The following COL20A1 variants were observed in gnomAD, a reference collection of about 807,000 sequenced individuals.
The protein encoded by COL20A1 is collagen type XX alpha 1 chain, also known as collagen alpha-1(XX) chain.
Under a neutral mutation model 152.9 loss-of-function variants are expected in COL20A1, and 164 were observed. The observed-to-expected ratio is 1.07, with a 90% CI of 0.94 to 1.22. The LOEUF (loss-of-function observed/expected upper bound fraction) is 1.22, where lower values mean the gene tolerates loss of function less well. COL20A1 is among the 50% of genes most tolerant of loss of function. The probability of loss-of-function intolerance (pLI) is 0.00; values close to 1 mark genes in which losing one functional copy is unlikely to be tolerated. For synonymous variants in COL20A1, 864 were observed against 756.0 expected, an observed-to-expected ratio of 1.14 and a Z score of -2.34; for missense variants, 1,873 against 1,744.8, an observed-to-expected ratio of 1.07 and a Z score of -1.31.
rs543977801 is a variant in COL20A1 at position 63,308,613 on chromosome 20, G to A, written c.847G>A (p.Val283Met). 39 of 1,606,574 alleles carry A rather than the reference G, an allele frequency of 2.4e-5. No homozygotes were observed. In the East Asian group the frequency reaches 2.9e-4, roughly 12 times the overall value. The change falls in exon 8 of 36, where the codon GTG becomes ATG. Residue 283 changes from valine (V) to methionine (M), a missense_variant. Transcript: ENST00000358894. ...TGGCCTCCGTCCAGAGGCAGCCAAG[G>A]TGGTGATTCTGGTGACGGACGGCAA... is the stretch of plus-strand genomic sequence containing the variant. Reference protein sequence around the residue: ...AAGLRPEAAKVVILVTDGKSQ... With the variant: ...AAGLRPEAAKMVILVTDGKSQ...
intron 1 of COL20A1, among the ~76,000 whole-genome samples, chr20:63,294,832 C>T (rs2067766092): frequency 6.6e-6 from 1 of 152,246 alleles, no homozygotes; most frequent in Non-Finnish European, 1.5e-5. Flanking sequence ...TCACTCAGAG[C>T]AGCCCCCGGT....
chr20:63,295,255 G>T, intron 2 of COL20A1, 66 bp downstream of exon 2: 2 of 1,081,432 alleles, frequency 1.8e-6, no homozygotes, highest in South Asian at 2.8e-5. Context: ...GTGCCCACGC[G>T]GGACGAGCCC....
intron 3 of COL20A1, among the ~76,000 whole-genome samples, chr20:63,298,372 C>T (rs1743462075): frequency 6.6e-6 from 1 of 152,154 alleles, no homozygotes; most frequent in South Asian, 2.1e-4. Context: ...CTCCCCGCAG[C>T]CTCAATCTCC....
At position 63,306,663 on chromosome 20, in the gene COL20A1, G is replaced by C. The variant is rs2123390103; in HGVS notation, c.496+624G>C. Among the ~76,000 whole-genome samples, 1 of 152,332 alleles carries C rather than the reference G, an allele frequency of 6.6e-6. No individual in the cohort carries two copies. Among genetic ancestry groups the C allele is most frequent in the African/African-American group, 2.4e-5 (1 of 41,580 alleles). ...GCCAGGTAAGGGGTGGGCACAGACG[G>C]GGGCAGTGCACTGTGTCTGCCCATA... On this transcript the variant is annotated intron_variant, in intron 5 of 35. Coordinates refer to ENST00000358894, the MANE Select transcript of COL20A1 (RefSeq NM_020882.4). The surrounding 1 kb of genome is among the most constrained non-coding windows in gnomAD (Gnocchi z 6.9).
rs2068011136 is a variant in COL20A1 at position 63,311,825 on chromosome 20, AC to A, written c.1663+79del. The A allele has an allele frequency of 1.3e-6, 2 of 1,521,512 alleles. No homozygotes were observed. The highest frequency in any genetic ancestry group is 8.8e-7 in the Non-Finnish European group (1 of 1,137,242). The allele number at this position is 1,521,512 out of a possible 1,614,324, so 94.3% of individuals were successfully genotyped here. ...TCCTCAGCCTTCCATGGCATGGGAG[AC>A]CTCAGGCCCCCTCGGTCCCAGCCAC... On this transcript the variant is annotated intron_variant, in intron 13 of 35. Coordinates refer to ENST00000358894, the MANE Select transcript of COL20A1 (RefSeq NM_020882.4). This position sits in a 1 kb window ranked among gnomAD's most constrained non-coding sequence, Gnocchi z 4.4.
Position 63,297,941 on chromosome 20 carries a change from T to C in COL20A1, c.114T>C (p.Pro38=), listed in dbSNP as rs1568762376. ...ASGLLRLAVL[P]EDRLQMKWRE... is the part of the protein sequence containing the mutation. ...GTCTCCTGAGGCTGGCTGTGCTGCC[T>C]GAGGACCGGCTGCAGATGAAGTGGA... is the stretch of plus-strand genomic sequence containing the variant. Residue 38 remains proline, a synonymous_variant, in exon 3 of 36, where the codon CCT becomes CCC. Transcript: ENST00000358894. 8 of 1,613,248 alleles carry C rather than the reference T, an allele frequency of 5.0e-6. No homozygotes were observed. The highest frequency in any genetic ancestry group is 6.8e-6 in the Non-Finnish European group (8 of 1,179,836).
chr20:63,323,292 G>A (rs2068193875), intron 27 of COL20A1, among the ~76,000 whole-genome samples: 1 of 152,224 alleles, frequency 6.6e-6, no homozygotes, highest in Non-Finnish European at 1.5e-5. Flanking sequence ...ACTGCGTTTG[G>A]CATTTTCTTG....
Position 63,327,476 on chromosome 20 carries a change from G to C in COL20A1, c.3529-476G>C, listed in dbSNP as rs186632428. On this transcript the variant is annotated intron_variant, in intron 31 of 35. Transcript: ENST00000358894. ...AGGGGGACAGACGTGGGAGATGGGG[G>C]TGTAGTGTCCCCTGGGGGATGCCTT... 2.1e-5 allele frequency: 4 copies of C among 192,212 alleles called. No homozygotes were observed. The East Asian group carries it at 4.0e-4, about 19-fold the overall frequency. 11.9% of individuals were successfully genotyped at this position (192,212 alleles called of 1,614,324 possible).
intron 9 of COL20A1, 24 bp from the exon 10 acceptor site, chr20:63,309,710 GCTGCCCGTGCAGTGACCACCTGCC>G (rs1391867281): frequency 6.7e-7 from 1 of 1,484,690 alleles, no homozygotes; most frequent in African/African-American, 1.4e-5. Context: ...CGTGGACACA[GCTGCCCGTGCAGTGACCACCTGCC>G]CCCCACTCCC....
intron 27 of COL20A1, 45 bp downstream of exon 27, chr20:63,322,156 C>G: frequency 7.1e-6 from 10 of 1,413,504 alleles, no homozygotes; most frequent in Non-Finnish European, 9.4e-6. Flanking sequence ...TGGATCGTAC[C>G]TACCAGAAGA....
chr20:63,307,020 C>A (rs975075139), intron 5 of COL20A1, among the ~76,000 whole-genome samples: 2 of 152,226 alleles, frequency 1.3e-5, no homozygotes, highest in Non-Finnish European at 2.9e-5. Context: ...CTCGTTCAGG[C>A]ATCTCCCCGG....
chr20:63,298,081 T>A, intron 3 of COL20A1, 61 bp downstream of exon 3: 2 of 1,195,798 alleles, frequency 1.7e-6, no homozygotes, highest in Non-Finnish European at 1.2e-6. Context: ...ACAGTCAGTG[T>A]GGTGGCCGCA....
At chr20:63,315,334 C>G in intron 19 of COL20A1, 70 bp from the exon 20 acceptor site, 1 of 1,449,558 alleles carries the variant, frequency 6.9e-7, no homozygotes, top group South Asian at 1.2e-5. Flanking sequence ...AGTGGCCCCT[C>G]CCCAGCGGTC....
At chr20:63,298,851 G>A (rs918208672) in intron 3 of COL20A1, among the ~76,000 whole-genome samples, 2 of 152,214 alleles carry the variant, frequency 1.3e-5, no homozygotes, top group Non-Finnish European at 2.9e-5. Flanking sequence ...AATGCTAACT[G>A]TATGAATCAG....
At chr20:63,294,583 C>G (rs1389352375) in intron 1 of COL20A1, among the ~76,000 whole-genome samples, 1 of 152,160 alleles carries the variant, frequency 6.6e-6, no homozygotes, top group Non-Finnish European at 1.5e-5. Flanking sequence ...CACCCGCTCC[C>G]CACTCCTACT....
chr20:63,295,991 G>T (rs1036407752), intron 2 of COL20A1, among the ~76,000 whole-genome samples: 1 of 152,266 alleles, frequency 6.6e-6, no homozygotes. Flanking sequence ...TCTACTGTGC[G>T]TTTAAAGCAC....
chr20:63,329,545 T>C (rs772423056), intron 34 of COL20A1, 40 bp from the exon 35 acceptor site: 7 of 1,541,338 alleles, frequency 4.5e-6, no homozygotes, highest in South Asian at 2.3e-5. Flanking sequence ...CCCAAGCCAC[T>C]GCATTGCTCC....
In COL20A1 at chr20:63,313,332, C is replaced by T; in HGVS notation, c.2209+83C>T. 1 of 1,445,326 alleles carries T rather than the reference C, an allele frequency of 6.9e-7. No individual in the cohort carries two copies. The highest frequency in any genetic ancestry group is 9.4e-7 in the Non-Finnish European group (1 of 1,066,032). 89.5% of individuals were successfully genotyped at this position (1,445,326 alleles called of 1,614,324 possible). ...CCCTGACTCACCCGCTGCACAGGCC[C>T]AGGACCCTAGACTCCCAGAACTGCT... On this transcript the variant is annotated intron_variant, in intron 17 of 35. Coordinates refer to ENST00000358894, the MANE Select transcript of COL20A1 (RefSeq NM_020882.4). The surrounding 1 kb of genome is among the most constrained non-coding windows in gnomAD (Gnocchi z 5.9).
Position 63,307,505 on chromosome 20 carries a change from G to T in COL20A1, c.512G>T (p.Arg171Leu). The T allele has an allele frequency of 6.2e-7, 1 of 1,611,672 alleles. No individual in the cohort carries two copies. Residue 171 changes from arginine to leucine, a missense_variant, in exon 6 of 36, where the codon CGC (arginine) becomes CTC (leucine). By Grantham distance (102) the Arg-to-Leu change is moderately radical. Transcript: ENST00000358894. ...DPRTPAGPQF[R>L]CLPPVPADMV... ...ACCGCCCCAGCCGGCCCCCAGTTCC[G>T]CTGCCTGCCCCCCGTGCCTGCTGAC... is the stretch of plus-strand genomic sequence containing the variant.
Sources: allele counts gnomAD v4.1 joint callset (sites outside exome capture counted in the v4.1 genomes callset), GRCh38; gene constraint gnomAD v4.1.1; non-coding constraint Gnocchi (gnomAD v3.1); transcripts MANE v1.5; gene names NCBI Gene and HGNC (gene_info 2026-07-23, HGNC 2026-07-21).